LCLAT1: variants seen among roughly 807,000 people sequenced by gnomAD.
LCLAT1 encodes lysocardiolipin acyltransferase 1.
A neutral mutation model predicts 30.7 loss-of-function variants in LCLAT1; 11 were observed. The observed-to-expected ratio is 0.36, with a 90% confidence interval of 0.23 to 0.59. LCLAT1 has a LOEUF of 0.59. Ranked by LOEUF, LCLAT1 falls within the 20% of genes least tolerant of loss-of-function variation. LCLAT1 has a pLI of 0.77. For synonymous variants in LCLAT1, 155 were observed against 151.3 expected (o/e 1.02, Z -0.18); for missense variants, 402 against 458.6 (o/e 0.88, Z 1.13).
intron 5 of LCLAT1, among the ~76,000 whole-genome samples, chr2:30,636,218 T>C (rs1448264710): frequency 2.0e-5 from 3 of 152,170 alleles, no homozygotes; most frequent in Non-Finnish European, 2.9e-5. Context: ...GAAATATTCG[T>C]TAGAATATTT....
chr2:30,593,087 CT>C (rs1666769003), intron 5 of LCLAT1, among the ~76,000 whole-genome samples: 1 of 152,192 alleles, frequency 6.6e-6, no homozygotes, highest in African/African-American at 2.4e-5. Flanking sequence ...TTGCCAGCCT[CT>C]GGTAACCATA....
intron 5 of LCLAT1, among the ~76,000 whole-genome samples, chr2:30,572,568 C>T (rs1216927139): frequency 6.6e-6 from 1 of 152,108 alleles, no homozygotes; most frequent in Non-Finnish European, 1.5e-5. Flanking sequence ...AGCCTGGCTC[C>T]GTTTAGCAAC....
At chr2:30,630,935 TAGAA>T (rs1010120346) in intron 5 of LCLAT1, among the ~76,000 whole-genome samples, 27 of 152,176 alleles carry the variant, frequency 1.8e-4, no homozygotes, top group African/African-American at 5.3e-4. Context: ...TCAAAAGAAA[TAGAA>T]AGCCTGTTCA....
At position 30,623,575 on chromosome 2, in the gene LCLAT1, G is replaced by A. The variant is rs180815056; in HGVS notation, c.629-16542G>A. 7.1e-3 allele frequency among the ~76,000 whole-genome samples: 1,084 copies of A among 151,820 alleles called. 4 individuals are homozygous for A. Among genetic ancestry groups the A allele is most frequent in the Admixed American group, 0.011 (164 of 15,254 alleles). ...CAACAAAGACAAAGGAAAAAGAATG[G>A]GGGAAAAAAAAAACAACAAAGCGTC... On this transcript the variant is annotated intron_variant, in intron 5 of 5. Transcript: ENST00000379509.
chr2:30,515,994 T>C (rs995710025), intron 1 of LCLAT1, among the ~76,000 whole-genome samples: 2 of 152,154 alleles, frequency 1.3e-5, no homozygotes, highest in Non-Finnish European at 2.9e-5. Context: ...CGACTAAGAA[T>C]TCCTAACCCT....
intron 5 of LCLAT1, among the ~76,000 whole-genome samples, chr2:30,577,563 A>G (rs1572648942): frequency 6.6e-6 from 1 of 152,198 alleles, no homozygotes; most frequent in East Asian, 1.9e-4. Flanking sequence ...TCTCTTTTTC[A>G]TAGGAAATGG....
At position 30,615,622 on chromosome 2, in the gene LCLAT1, C is replaced by T. The variant is rs1222715556; in HGVS notation, c.629-24495C>T. On this transcript the variant is annotated intron_variant, in intron 5 of 5. Coordinates refer to ENST00000379509, the MANE Select transcript of LCLAT1 (RefSeq NM_001002257.3). Reference sequence around the variant, plus strand: ...TTAAATACTTCCACCAAAACTTGTGCCTAATAGGCTCAAATAAGTTTCTGG... The same window carrying T: ...TTAAATACTTCCACCAAAACTTGTGTCTAATAGGCTCAAATAAGTTTCTGG... 1.3e-4 allele frequency among the ~76,000 whole-genome samples: 20 copies of T among 152,208 alleles called. No homozygotes were observed. In the East Asian group the frequency reaches 3.9e-3, roughly 29 times the overall value.
chr2:30,609,679 A>G (rs1381234840), intron 5 of LCLAT1, among the ~76,000 whole-genome samples: 1 of 152,114 alleles, frequency 6.6e-6, no homozygotes, highest in Non-Finnish European at 1.5e-5. Flanking sequence ...CTGTTTAGGC[A>G]TTTCAGCCCA....
At chr2:30,560,894 T>G (rs1360533048) in intron 3 of LCLAT1, among the ~76,000 whole-genome samples, 1 of 152,212 alleles carries the variant, frequency 6.6e-6, no homozygotes, top group East Asian at 1.9e-4. Flanking sequence ...TCTTTTGTTA[T>G]GAATCATAGT....
intron 1 of LCLAT1, among the ~76,000 whole-genome samples, chr2:30,510,628 C>T (rs958573796): frequency 3.3e-5 from 5 of 152,098 alleles, no homozygotes; most frequent in East Asian, 1.9e-4. Context: ...TCTCCGGTTC[C>T]GGGGAATTTT....
chr2:30,605,056 A>C (rs137973686), intron 5 of LCLAT1, among the ~76,000 whole-genome samples: 1 of 152,354 alleles, frequency 6.6e-6, no homozygotes, highest in Non-Finnish European at 1.5e-5. Context: ...GGTCATTCTG[A>C]TAAAACCATT....
intron 5 of LCLAT1, among the ~76,000 whole-genome samples, chr2:30,578,151 T>A (rs1666072326): frequency 6.6e-6 from 1 of 152,144 alleles, no homozygotes; most frequent in Admixed American, 6.6e-5. Context: ...TTGAGTGCTT[T>A]GGATTAATTT....
chr2:30,499,527 T>A (rs1273106564), intron 1 of LCLAT1, among the ~76,000 whole-genome samples: 1 of 152,194 alleles, frequency 6.6e-6, no homozygotes, highest in Non-Finnish European at 1.5e-5. Flanking sequence ...CTTGGGATTT[T>A]TGGATAAAGA....
chr2:30,532,285 C>T (rs989278797), intron 2 of LCLAT1, among the ~76,000 whole-genome samples: 2 of 152,082 alleles, frequency 1.3e-5, no homozygotes, highest in African/African-American at 2.4e-5. Context: ...TCAAGATTAT[C>T]ATGATATTCG....
intron 1 of LCLAT1, among the ~76,000 whole-genome samples, chr2:30,469,571 CT>C (rs1412303587): frequency 7.7e-6 from 1 of 129,434 alleles, no homozygotes; most frequent in African/African-American, 3.3e-5. Context: ...CTACAGGTCT[CT>C]TCTTTTTTTT....
intron 5 of LCLAT1, among the ~76,000 whole-genome samples, chr2:30,631,206 GCTGTATGTGGTTTTCTTGTGGCTTT>G (rs1180177935): frequency 4.6e-5 from 7 of 152,316 alleles, no homozygotes; most frequent in East Asian, 1.9e-4. Context: ...TATGGTGTCA[GCTGTATGTGGTTTTCTTGTGGCTTT>G]CTGTATGTGG....
intron 3 of LCLAT1, among the ~76,000 whole-genome samples, chr2:30,549,256 A>C (rs958315087): frequency 1.1e-4 from 16 of 152,168 alleles, no homozygotes; most frequent in African/African-American, 3.1e-4. Context: ...TTGGTTACCT[A>C]AATTGGATAT....
chr2:30,447,733 G>T (rs1319316938), intron 1 of LCLAT1, among the ~76,000 whole-genome samples: 1 of 152,214 alleles, frequency 6.6e-6, no homozygotes, highest in Non-Finnish European at 1.5e-5. Flanking sequence ...CCTTCCTCCT[G>T]CGACCTCAGC....
chr2:30,590,322 G>A (rs932606390), intron 5 of LCLAT1, among the ~76,000 whole-genome samples: 1 of 94,712 alleles, frequency 1.1e-5, no homozygotes, highest in African/African-American at 3.7e-5. Context: ...GCTTTTGATA[G>A]ATTTTTTTTT....
Sources: allele counts gnomAD v4.1 joint callset (sites outside exome capture counted in the v4.1 genomes callset), GRCh38; gene constraint gnomAD v4.1.1; transcripts MANE v1.5; gene names NCBI Gene and HGNC (gene_info 2026-07-23, HGNC 2026-07-21).